FHIT: variants seen among roughly 807,000 people sequenced by gnomAD.
FHIT encodes the protein fragile histidine triad diadenosine triphosphatase.
In FHIT, 19 loss-of-function variants were observed where a neutral mutation model predicts 17.9. The ratio of observed to expected loss-of-function variants is 1.06; its 90% CI spans 0.74 to 1.56. The LOEUF is 1.56. Among genes scored for constraint, FHIT ranks in the 40% most tolerant of loss-of-function variants. The pLI is 0.00. For missense variants in FHIT, 248 were observed against 189.2 expected, an observed-to-expected ratio of 1.31 and a Z score of -1.82; for synonymous variants, 81 against 69.7, an observed-to-expected ratio of 1.16 and a Z score of -0.81.
intron 5 of FHIT, among the ~76,000 whole-genome samples, chr3:60,199,875 A>C (rs1702816599): frequency 6.6e-6 from 1 of 152,166 alleles, no homozygotes; most frequent in Admixed American, 6.6e-5. Context: ...GGGGGTGTCA[A>C]ACATAGGGGA....
chr3:60,649,576 C>T (rs2039943774), intron 4 of FHIT, among the ~76,000 whole-genome samples: 1 of 152,084 alleles, frequency 6.6e-6, no homozygotes, highest in Non-Finnish European at 1.5e-5. Context: ...ATTCTATGGA[C>T]ATGATACGTG....
intron 5 of FHIT, among the ~76,000 whole-genome samples, chr3:60,517,798 T>G (rs956935431): frequency 3.3e-5 from 5 of 152,170 alleles, no homozygotes; most frequent in African/African-American, 7.2e-5. Context: ...AACTAGCAAT[T>G]AATAGTATAA....
intron 5 of FHIT, among the ~76,000 whole-genome samples, chr3:60,298,496 G>A (rs374830038): frequency 5.9e-5 from 9 of 152,146 alleles, no homozygotes; most frequent in African/African-American, 2.2e-4. Context: ...AAAAGTATTC[G>A]ATCTTCCAAC....
At position 61,187,281 on chromosome 3, in the gene FHIT, C is replaced by T. The variant is rs2038546710; in HGVS notation, c.-164+13336G>A. On this transcript the variant is annotated intron_variant, in intron 2 of 9. Transcript: ENST00000492590. ...ATATGCAAAGACAAGAACATAGACA[C>T]AGCAGACACTGCTGAGGGCCTGTCA... Among the ~76,000 whole-genome samples, 3 of 152,150 alleles carry T rather than the reference C, an allele frequency of 2.0e-5. 1 individual carries two copies. In the South Asian group the frequency reaches 6.2e-4, roughly 31 times the overall value.
At chr3:60,348,336 TTGTATATA>T (rs1323370125) in intron 5 of FHIT, among the ~76,000 whole-genome samples, 2 of 152,204 alleles carry the variant, frequency 1.3e-5, no homozygotes, top group Non-Finnish European at 2.9e-5. Flanking sequence ...AATAAACAGC[TTGTATATA>T]TGTTCAATAA....
chr3:60,262,366 G>A (rs1706347262), intron 5 of FHIT, among the ~76,000 whole-genome samples: 1 of 151,982 alleles, frequency 6.6e-6, no homozygotes, highest in Non-Finnish European at 1.5e-5. Context: ...CCCTGACAAT[G>A]TCAAACTTTA....
intron 7 of FHIT, among the ~76,000 whole-genome samples, chr3:59,960,886 G>C (rs1410404301): frequency 6.6e-6 from 1 of 152,128 alleles, no homozygotes; most frequent in Non-Finnish European, 1.5e-5. Flanking sequence ...GTTTTCAGAA[G>C]ATCCACATGA....
At chr3:60,050,040 A>G (rs212048) in intron 5 of FHIT, among the ~76,000 whole-genome samples, 49,672 of 151,982 alleles carry the variant, frequency 0.33, 8,580 homozygotes, top group African/African-American at 0.42. Flanking sequence ...AGAATACTGA[A>G]AGTGTACATA....
chr3:60,963,346 G>C (rs1405232590), intron 3 of FHIT, among the ~76,000 whole-genome samples: 1 of 152,018 alleles, frequency 6.6e-6, no homozygotes, highest in Non-Finnish European at 1.5e-5. Context: ...CTTGCTAGTG[G>C]TCTATCAATT....
At chr3:60,199,588 G>A (rs571979016) in intron 5 of FHIT, among the ~76,000 whole-genome samples, 1 of 152,142 alleles carries the variant, frequency 6.6e-6, no homozygotes, top group Non-Finnish European at 1.5e-5. Flanking sequence ...AATGTCAGGA[G>A]AATAAGACAG....
chr3:60,047,595 C>G (rs1351122379), intron 5 of FHIT, among the ~76,000 whole-genome samples: 1 of 152,316 alleles, frequency 6.6e-6, no homozygotes, highest in Middle Eastern at 3.4e-3. Flanking sequence ...CCTGGTTCCT[C>G]AGGTGCATTA....
intron 5 of FHIT, among the ~76,000 whole-genome samples, chr3:60,119,970 G>A (rs894316953): frequency 6.6e-6 from 1 of 152,044 alleles, no homozygotes; most frequent in East Asian, 1.9e-4. Context: ...CTGCCTTTCT[G>A]GTATCACAGT....
At chr3:60,932,392 CT>C (rs1443620834) in intron 3 of FHIT, among the ~76,000 whole-genome samples, 1 of 152,148 alleles carries the variant, frequency 6.6e-6, no homozygotes, top group African/African-American at 2.4e-5. Context: ...CTGGTGGTCT[CT>C]TCCTTACTGA....
chr3:59,990,330 A>G (rs375064726), intron 7 of FHIT, among the ~76,000 whole-genome samples: 1 of 152,064 alleles, frequency 6.6e-6, no homozygotes, highest in Non-Finnish European at 1.5e-5. Flanking sequence ...GTTGGCCTCA[A>G]TCGGTAGCAA....
At chr3:60,508,191 AATAG>A (rs757616888) in intron 5 of FHIT, among the ~76,000 whole-genome samples, 119 of 152,282 alleles carry the variant, frequency 7.8e-4, no homozygotes, top group Non-Finnish European at 1.4e-3. Flanking sequence ...AAATTAGAGA[AATAG>A]ATAGATTTGT....
intron 3 of FHIT, among the ~76,000 whole-genome samples, chr3:60,964,233 G>A (rs183461336): frequency 1.4e-4 from 21 of 150,752 alleles, no homozygotes; most frequent in African/African-American, 5.1e-4. Context: ...AGTCTGTTTT[G>A]TTAGAGACTA....
intron 4 of FHIT, among the ~76,000 whole-genome samples, chr3:60,607,967 T>C (rs1428464030): frequency 6.6e-6 from 1 of 152,154 alleles, no homozygotes; most frequent in Non-Finnish European, 1.5e-5. Context: ...GAAACTCAAG[T>C]CTTCTCCTCC....
At chr3:61,121,167 T>A (rs1325983308) in intron 2 of FHIT, among the ~76,000 whole-genome samples, 1 of 152,082 alleles carries the variant, frequency 6.6e-6, no homozygotes, top group African/African-American at 2.4e-5. Flanking sequence ...TGAAAAACAC[T>A]CTTCAGGATA....
At chr3:60,078,268 C>G (rs763271477) in intron 5 of FHIT, among the ~76,000 whole-genome samples, 1 of 151,976 alleles carries the variant, frequency 6.6e-6, no homozygotes, top group Non-Finnish European at 1.5e-5. Flanking sequence ...CCACACCAAC[C>G]AAGTGATCAA....
Sources: allele counts gnomAD v4.1 joint callset (sites outside exome capture counted in the v4.1 genomes callset), GRCh38; gene constraint gnomAD v4.1.1; transcripts MANE v1.5; gene names NCBI Gene and HGNC (gene_info 2026-07-23, HGNC 2026-07-21).